The following RAPGEF2 variants were observed in gnomAD, a reference collection of about 807,000 sequenced individuals.
The protein encoded by RAPGEF2 is Rap guanine nucleotide exchange factor 2.
A neutral mutation model predicts 186.7 loss-of-function variants in RAPGEF2; 54 were observed. The observed-to-expected ratio is 0.29, with a 90% CI of 0.23 to 0.36. The LOEUF is 0.36. Ranked by LOEUF, RAPGEF2 falls within the 10% of genes least tolerant of loss-of-function variation. RAPGEF2 has a pLI of 1.00. For missense variants in RAPGEF2, 1,532 were observed against 2,045.0 expected (o/e 0.75, Z 4.84); for synonymous variants, 712 against 705.9 (o/e 1.01, Z -0.14).
intron 4 of RAPGEF2, chr4:159,229,678 A>G (rs1203935735): frequency 6.6e-6 from 1 of 152,216 alleles, no homozygotes; most frequent in Non-Finnish European, 1.5e-5. Context: ...ACCTGTAGAA[A>G]TATTTAACTT....
chr4:159,174,452 A>G (rs1037018702), intron 1 of RAPGEF2, among the ~76,000 whole-genome samples: 12 of 152,230 alleles, frequency 7.9e-5, no homozygotes, highest in Non-Finnish European at 1.3e-4. Context: ...CCTGACACCA[A>G]CTTGAATTAG....
At chr4:159,298,786 C>G (rs1762316696) in intron 7 of RAPGEF2, among the ~76,000 whole-genome samples, 1 of 152,154 alleles carries the variant, frequency 6.6e-6, no homozygotes, top group South Asian at 2.1e-4. Context: ...TAGATTCCAG[C>G]TACAGGAATC....
In RAPGEF2 at chr4:159,359,157, GTTTTTT is replaced by G. The variant is rs368364479; in HGVS notation, c.*1022_*1027del. 6.8e-6 allele frequency: 1 copy of G among 146,918 alleles called. No individual in the cohort carries two copies. The highest frequency in any genetic ancestry group is 6.8e-5 in the Admixed American group (1 of 14,704). The allele number at this position is 146,918 out of a possible 1,614,324, so 9.1% of individuals were successfully genotyped here. A position where few individuals can be genotyped will look rare whatever the true frequency, so the allele number is the denominator to read the frequency against. On this transcript the variant is annotated 3_prime_UTR_variant, in exon 30 of 30. Transcript: ENST00000691494. ...TGTAGGTTTTGTTTTTTGTTTTTTT[GTTTTTT>G]TTTAAGAGAAACATTTATAACTGGA...
chr4:159,237,842 T>TAAAAAAA lies in RAPGEF2; in HGVS notation c.282-944_282-938dup, dbSNP rs58593781. On this transcript the variant is annotated intron_variant, in intron 4 of 29. Coordinates refer to ENST00000691494, the MANE Select transcript of RAPGEF2 (RefSeq NM_001394067.2). Reference sequence around the variant, plus strand: ...AGCTAGACTTTGTCTCTACAAAAATTAAAAAAAAAAAAAAAAAAAAAAAAA... The same window carrying TAAAAAAA: ...AGCTAGACTTTGTCTCTACAAAAATTAAAAAAAAAAAAAAAAAAAAAAAAAAAAAAAA... Among the ~76,000 whole-genome samples the TAAAAAAA allele has an allele frequency of 5.1e-4, 34 of 66,928 alleles. 1 individual carries two copies. The highest frequency in any genetic ancestry group is 1.8e-3 in the African/African-American group (32 of 18,234). The allele number at this position is 66,928 out of a possible 152,430, so 43.9% of individuals were successfully genotyped here. A position where few individuals can be genotyped will look rare whatever the true frequency, so the allele number is the denominator to read the frequency against.
chr4:159,277,884 ACT>A (rs1472591084), intron 7 of RAPGEF2, among the ~76,000 whole-genome samples: 1 of 151,888 alleles, frequency 6.6e-6, no homozygotes, highest in African/African-American at 2.4e-5. Flanking sequence ...TTGCCTGTTC[ACT>A]CTGATGGTAG....
In RAPGEF2 at chr4:159,355,896, C is replaced by CCCCCCCCCAG; in HGVS notation, c.4695_4696insCCCCCCCCAG (p.Gly1566ProfsTer12). The CCCCCCCCCAG allele has an allele frequency of 6.4e-7, 1 of 1,555,930 alleles. No homozygotes were observed. The highest frequency in any genetic ancestry group is 1.2e-5 in the South Asian group (1 of 84,326). On this transcript the variant is annotated frameshift_variant, in exon 29 of 30. Coordinates refer to ENST00000691494, the MANE Select transcript of RAPGEF2 (RefSeq NM_001394067.2). LOFTEE classifies it high-confidence loss of function. Reference sequence around the variant, plus strand: ...ATCGAGAGCCCCCGCCCACCCCTCCCGGCTACATTGGAATTCCCATTACTG... The same window carrying CCCCCCCCCAG: ...ATCGAGAGCCCCCGCCCACCCCTCCCCCCCCCCCAGGGCTACATTGGAATTCCCATTACTG...
At chr4:159,318,680 A>T (rs3805141) in intron 9 of RAPGEF2, among the ~76,000 whole-genome samples, 5,520 of 152,040 alleles carry the variant, frequency 0.036, 253 homozygotes, top group African/African-American at 0.1. Context: ...GTTTTAAAAA[A>T]TTTTTTTTGT....
At chr4:159,224,016 G>A (rs772455065) in intron 4 of RAPGEF2, among the ~76,000 whole-genome samples, 4 of 151,514 alleles carry the variant, frequency 2.6e-5, no homozygotes, top group South Asian at 4.2e-4. Context: ...CTTGTGCCTC[G>A]GCCTCCTGAG....
intron 8 of RAPGEF2, among the ~76,000 whole-genome samples, chr4:159,312,815 A>G (rs1764104874): frequency 6.6e-6 from 1 of 152,242 alleles, no homozygotes; most frequent in African/African-American, 2.4e-5. Context: ...GTTCTGTGAT[A>G]TGAACCGGGA....
chr4:159,342,702 A>T (rs1421128950), intron 20 of RAPGEF2, among the ~76,000 whole-genome samples: 8 of 151,640 alleles, frequency 5.3e-5, no homozygotes, highest in African/African-American at 1.9e-4. Context: ...CTGTGTATGG[A>T]AACAAAGCAT....
intron 6 of RAPGEF2, 131 bp downstream of exon 6, chr4:159,241,499 TTAAA>T (rs1415654774): frequency 3.2e-6 from 1 of 311,586 alleles, no homozygotes; most frequent in East Asian, 5.6e-5. Flanking sequence ...TTAAGTATAC[TTAAA>T]TATTTATTTT....
intron 7 of RAPGEF2, chr4:159,268,048 C>CTT (rs111542449): frequency 9.7e-4 from 1,208 of 1,240,684 alleles, no homozygotes; most frequent in African/African-American, 1.9e-3. Context: ...TCCCTCCTCC[C>CTT]TTTTTTTTTT....
intron 7 of RAPGEF2, among the ~76,000 whole-genome samples, chr4:159,288,695 G>C (rs577735392): frequency 6.6e-6 from 1 of 152,026 alleles, no homozygotes; most frequent in Non-Finnish European, 1.5e-5. Context: ...CCTTTCTCAC[G>C]CCTTACCTTC....
chr4:159,348,941 A>G (rs1043964086), intron 25 of RAPGEF2, among the ~76,000 whole-genome samples: 2 of 152,244 alleles, frequency 1.3e-5, no homozygotes, highest in African/African-American at 2.4e-5. Context: ...TTTGTTCTAT[A>G]TACTTTCTAC....
intron 7 of RAPGEF2, among the ~76,000 whole-genome samples, chr4:159,278,903 G>A (rs1312215519): frequency 6.6e-6 from 1 of 152,134 alleles, no homozygotes; most frequent in Non-Finnish European, 1.5e-5. Context: ...CACTATCCAG[G>A]AGGTAAGGAA....
intron 7 of RAPGEF2, chr4:159,266,794 T>C (rs1022972905): frequency 6.1e-6 from 1 of 163,598 alleles, no homozygotes; most frequent in African/African-American, 2.4e-5. Context: ...ATTGATTCCT[T>C]TATCTTCACC....
intron 4 of RAPGEF2, among the ~76,000 whole-genome samples, chr4:159,223,466 A>G (rs1751727659): frequency 6.6e-6 from 1 of 152,166 alleles, no homozygotes; most frequent in African/African-American, 2.4e-5. Context: ...TTAATTAAAC[A>G]TTTTCAGATA....
At chr4:159,323,918 T>A (rs1011461126) in intron 11 of RAPGEF2, among the ~76,000 whole-genome samples, 2 of 150,140 alleles carry the variant, frequency 1.3e-5, no homozygotes, top group African/African-American at 2.5e-5. Flanking sequence ...TTTTTTTTTT[T>A]GAGACAGAGT....
chr4:159,119,383 T>C (rs566285199), intron 1 of RAPGEF2, among the ~76,000 whole-genome samples: 1 of 152,328 alleles, frequency 6.6e-6, no homozygotes, highest in South Asian at 2.1e-4. Context: ...ACTTATTGGC[T>C]AAGGCTGTGT....
Sources: allele counts gnomAD v4.1 joint callset (sites outside exome capture counted in the v4.1 genomes callset), GRCh38; gene constraint gnomAD v4.1.1; transcripts MANE v1.5; gene names NCBI Gene and HGNC (gene_info 2026-07-23, HGNC 2026-07-21).